Variants in SLC22A25 observed in about 807,000 individuals in gnomAD.
The protein encoded by SLC22A25 is solute carrier family 22 member 25.
In SLC22A25, 44 loss-of-function variants were observed where a neutral mutation model predicts 45.9. That is an observed-to-expected ratio of 0.96 (90% CI 0.75 to 1.23). The LOEUF (loss-of-function observed/expected upper bound fraction) is 1.23. Ranked by LOEUF, SLC22A25 falls within the 50% of genes most tolerant of loss-of-function variation. The probability of loss-of-function intolerance (pLI) is 0.00; values close to 1 mark genes in which losing one functional copy is unlikely to be tolerated. For synonymous variants in SLC22A25, 283 were observed against 238.6 expected (o/e 1.19, Z -1.72); for missense variants, 800 against 666.4 (o/e 1.20, Z -2.21).
At chr11:63,191,089 T>C (rs1264995544) in intron 7 of SLC22A25, among the ~76,000 whole-genome samples, 4 of 151,752 alleles carry the variant, frequency 2.6e-5, no homozygotes, top group African/African-American at 4.8e-5. Context: ...GACAGGGACA[T>C]TTAAGTCTGC....
chr11:63,211,733 A>G (rs937469517), intron 7 of SLC22A25, among the ~76,000 whole-genome samples: 2 of 152,136 alleles, frequency 1.3e-5, no homozygotes, highest in African/African-American at 4.8e-5. Flanking sequence ...AACCTAGGCA[A>G]TACCATTCAG....
intron 3 of SLC22A25, among the ~76,000 whole-genome samples, chr11:63,234,833 G>T (rs1191741137): frequency 6.6e-6 from 1 of 152,164 alleles, no homozygotes; most frequent in Non-Finnish European, 1.5e-5. Context: ...GGCATGCCTG[G>T]TGGTGACAAA....
At chr11:63,187,301 G>T (rs559906342) in intron 7 of SLC22A25, among the ~76,000 whole-genome samples, 3 of 152,236 alleles carry the variant, frequency 2.0e-5, no homozygotes, top group South Asian at 4.1e-4. Flanking sequence ...TATTCTCTTT[G>T]AAGCAGTTGC....
chr11:63,200,971 A>T (rs1048722390), intron 7 of SLC22A25, among the ~76,000 whole-genome samples: 5 of 152,194 alleles, frequency 3.3e-5, no homozygotes, highest in African/African-American at 4.8e-5. Context: ...GATCTCTACA[A>T]GGAGAACTAC....
chr11:63,196,125 A>G (rs1371940538), intron 7 of SLC22A25, among the ~76,000 whole-genome samples: 2 of 152,122 alleles, frequency 1.3e-5, no homozygotes, highest in Non-Finnish European at 2.9e-5. Flanking sequence ...CCCTCCAACC[A>G]AAAAAAGTCC....
At chr11:63,198,742 A>G (rs2134773306) in intron 7 of SLC22A25, among the ~76,000 whole-genome samples, 1 of 152,198 alleles carries the variant, frequency 6.6e-6, no homozygotes, top group Middle Eastern at 3.4e-3. Flanking sequence ...AGAAATCAAG[A>G]CAAGAAATTT....
chr11:63,163,760 C>T lies in SLC22A25; in HGVS notation c.*64G>A. ...AAGGCACTGACTACATGGGAATAGCCCAGATCTAAGCCTTTTTGGGGGATG... is the reference window on the plus strand; with the variant it reads ...AAGGCACTGACTACATGGGAATAGCTCAGATCTAAGCCTTTTTGGGGGATG... On this transcript the variant is annotated 3_prime_UTR_variant, in exon 12 of 12. Transcript: ENST00000306494. 1 of 1,547,892 alleles carries T rather than the reference C, an allele frequency of 6.5e-7. No homozygotes were observed. The highest frequency in any genetic ancestry group is 8.7e-7 in the Non-Finnish European group (1 of 1,150,272).
At chr11:63,232,294 C>T (rs957870459) in intron 3 of SLC22A25, among the ~76,000 whole-genome samples, 10 of 152,080 alleles carry the variant, frequency 6.6e-5, no homozygotes, top group Non-Finnish European at 8.8e-5. Context: ...TTGTTTGTAT[C>T]CTCTTTTATT....
chr11:63,217,832 A>G, intron 5 of SLC22A25, 97 bp from the exon 6 acceptor site: 2 of 1,395,920 alleles, frequency 1.4e-6, no homozygotes, highest in Non-Finnish European at 1.9e-6. Context: ...AGGATGTTTA[A>G]CAAGTGAAAC....
At position 63,163,809 on chromosome 11, in the gene SLC22A25, T is replaced by C. The variant is rs771854346; in HGVS notation, c.*15A>G. On this transcript the variant is annotated 3_prime_UTR_variant, in exon 12 of 12. Transcript: ENST00000306494. ...TGGTAGCCCTAAATGGTGTTTTGCT[T>C]TCCTCAGCACAGACCTATAGCACAG... is the stretch of plus-strand genomic sequence containing the variant. The C allele has an allele frequency of 6.3e-6, 10 of 1,590,978 alleles. No individual in the cohort carries two copies. The African/African-American group carries it at 1.2e-4, about 19-fold the overall frequency.
In SLC22A25 at chr11:63,186,328, T is replaced by G. The variant is rs1421422423; in HGVS notation, c.831-2511A>C. ...AGCATTTTTTCCTGTGTCTTTTGGC[T>G]GCATAAATGTCTTCTTTTGAGAAGT... On this transcript the variant is annotated intron_variant, in intron 7 of 11. Coordinates refer to ENST00000306494, the MANE Select transcript of SLC22A25 (RefSeq NM_199352.6). Among the ~76,000 whole-genome samples the G allele has an allele frequency of 2.0e-5, 3 of 151,578 alleles. No individual in the cohort carries two copies. The East Asian group carries it at 5.8e-4, about 29-fold the overall frequency.
chr11:63,218,949 A>G (rs914349033), intron 5 of SLC22A25, among the ~76,000 whole-genome samples: 2 of 152,184 alleles, frequency 1.3e-5, no homozygotes, highest in Admixed American at 6.5e-5. Flanking sequence ...ACACACATGC[A>G]CTCACATGTT....
At position 63,166,252 on chromosome 11, in the gene SLC22A25, T is replaced by G. The variant is rs767595909; in HGVS notation, c.1077A>C (p.Ala359=). 9 of 1,613,876 alleles carry G rather than the reference T, an allele frequency of 5.6e-6. No individual in the cohort carries two copies. The South Asian group carries it at 7.7e-5, about 14-fold the overall frequency. Residue 359 remains alanine (A), a synonymous_variant, in exon 10 of 12, where the codon GCA becomes GCC. Coordinates refer to ENST00000306494, the MANE Select transcript of SLC22A25 (RefSeq NM_199352.6). The part of the protein sequence containing the change: ...RICFLSFVRF[A]STIPFWGLTL... ...TAAGGCCCCAAAAAGGGATGGTACTTGCAAATCTGCAGGGAACACAGAAAA... is the reference window on the plus strand; with the variant it reads ...TAAGGCCCCAAAAAGGGATGGTACTGGCAAATCTGCAGGGAACACAGAAAA...
intron 9 of SLC22A25, among the ~76,000 whole-genome samples, chr11:63,177,511 A>G (rs919785664): frequency 4.6e-5 from 7 of 151,824 alleles, no homozygotes; most frequent in African/African-American, 1.7e-4. Context: ...TTTTTTCTAT[A>G]TAACTGTATT....
chr11:63,160,305 CCT>C lies in SLC22A25; in HGVS notation c.*3517_*3518del, dbSNP rs1376460325. 6.6e-5 allele frequency among the ~76,000 whole-genome samples: 10 copies of C among 152,104 alleles called. No homozygotes were observed. Among genetic ancestry groups the C allele is most frequent in the African/African-American group, 2.4e-4 (10 of 41,420 alleles). On this transcript the variant is annotated 3_prime_UTR_variant, in exon 12 of 12. Transcript: ENST00000306494. ...GTGTGCAGCCTTAGTGACTTGGTGCCCTGTGTCTCAGCCACTCTAGCCATGGC... is the reference window on the plus strand; with the variant it reads ...GTGTGCAGCCTTAGTGACTTGGTGCCGTGTCTCAGCCACTCTAGCCATGGC...
chr11:63,236,461 C>T (rs1435470652), intron 3 of SLC22A25, among the ~76,000 whole-genome samples: 1 of 152,186 alleles, frequency 6.6e-6, no homozygotes. Flanking sequence ...GATATAATCT[C>T]CTGGTGTGCC....
chr11:63,203,387 T>C (rs891183694), intron 7 of SLC22A25, among the ~76,000 whole-genome samples: 2 of 151,910 alleles, frequency 1.3e-5, no homozygotes, highest in Non-Finnish European at 2.9e-5. Flanking sequence ...TCTAACCCAA[T>C]GCAAGGAAGC....
chr11:63,217,660 G>A lies in SLC22A25; in HGVS notation c.582C>T (p.Pro194=). 1 of 1,613,980 alleles carries A rather than the reference G, an allele frequency of 6.2e-7. No individual in the cohort carries two copies. Among genetic ancestry groups the A allele is most frequent in the Non-Finnish European group, 8.5e-7 (1 of 1,179,984 alleles). Residue 194 remains proline (P), a synonymous_variant, in exon 6 of 12, where the codon CCC becomes CCT. Coordinates refer to ENST00000306494, the MANE Select transcript of SLC22A25 (RefSeq NM_199352.6). ...AIVGTCAAFA[P]TILVYCSLRF... ...GCAGGGAGCAGTATACGAGGATGGT[G>A]GGAGCAAAGGCCGCACAGGTGCCTA... is the stretch of plus-strand genomic sequence containing the variant.
chr11:63,231,001 T>C (rs1230376945), intron 3 of SLC22A25, among the ~76,000 whole-genome samples: 1 of 152,242 alleles, frequency 6.6e-6, no homozygotes, highest in African/African-American at 2.4e-5. Flanking sequence ...TATGGCTGTA[T>C]AGTATTCCAT....
Sources: gnomAD v4.1 joint callset for allele counts (sites outside exome capture counted in the v4.1 genomes callset) on GRCh38, gnomAD v4.1.1 for gene constraint, MANE v1.5 for transcripts, NCBI Gene and HGNC (gene_info 2026-07-23, HGNC 2026-07-21) for gene names.